Variants in SLC37A3 observed in about 807,000 individuals in gnomAD.
SLC37A3 encodes solute carrier family 37 member 3.
In SLC37A3, 51 loss-of-function variants were observed where a neutral mutation model predicts 67.1. That is an observed-to-expected ratio of 0.76 (90% CI 0.61 to 0.96). The LOEUF (loss-of-function observed/expected upper bound fraction) is 0.96. Ranked by LOEUF, SLC37A3 falls within the 40% of genes least tolerant of loss-of-function variation. SLC37A3 has a pLI of 0.00. For synonymous variants in SLC37A3, 214 were observed against 231.4 expected, an observed-to-expected ratio of 0.92 and a Z score of 0.68; for missense variants, 508 against 603.0, an observed-to-expected ratio of 0.84 and a Z score of 1.65.
At chr7:140,355,013 G>A (rs1051356167) in intron 7 of SLC37A3, among the ~76,000 whole-genome samples, 1 of 152,094 alleles carries the variant, frequency 6.6e-6, no homozygotes, top group Admixed American at 6.5e-5. Flanking sequence ...CCAAAGTGCT[G>A]GGATTACAGG....
chr7:140,380,518 C>A, intron 2 of SLC37A3, 128 bp from the exon 3 acceptor site: 1 of 601,374 alleles, frequency 1.7e-6, no homozygotes. Context: ...CCACCTGAAC[C>A]AAAATAGATT....
intron 1 of SLC37A3, among the ~76,000 whole-genome samples, chr7:140,384,047 G>A (rs955807084): frequency 3.3e-5 from 5 of 152,022 alleles, no homozygotes; most frequent in African/African-American, 9.7e-5. Flanking sequence ...GAACAATTAC[G>A]CATAAAGTAA....
At chr7:140,391,043 G>A (rs935782038) in intron 1 of SLC37A3, among the ~76,000 whole-genome samples, 1 of 152,038 alleles carries the variant, frequency 6.6e-6, no homozygotes, top group Non-Finnish European at 1.5e-5. Context: ...AACCTCAAAG[G>A]GCATGCAACA....
In SLC37A3 at chr7:140,361,504, C is replaced by CCTCTCCCTCTCCCTCTCCCTCTCCCTCT. The variant is rs1563027225; in HGVS notation, c.376-2720_376-2719insAGAGGGAGAGGGAGAGGGAGAGGGAGAG. On this transcript the variant is annotated intron_variant, in intron 5 of 14. Coordinates refer to ENST00000326232, the MANE Select transcript of SLC37A3 (RefSeq NM_207113.3). ...GACACACAGCCTCTCCCTCCCCCTCCCCCTCCCCCTCCCCCTCCCCCTCCC... is the reference window on the plus strand; with the variant it reads ...GACACACAGCCTCTCCCTCCCCCTCCCTCTCCCTCTCCCTCTCCCTCTCCCTCTCCCTCCCCCTCCCCCTCCCCCTCCC... 4.1e-5 allele frequency among the ~76,000 whole-genome samples: 3 copies of CCTCTCCCTCTCCCTCTCCCTCTCCCTCT among 73,116 alleles called. 1 individual carries two copies. Among genetic ancestry groups the CCTCTCCCTCTCCCTCTCCCTCTCCCTCT allele is most frequent in the African/African-American group, 6.2e-5 (1 of 16,164 alleles). The allele number at this position is 73,116 out of a possible 152,430, so 48.0% of individuals were successfully genotyped here.
chr7:140,363,176 AC>A (rs1162910336), intron 5 of SLC37A3, among the ~76,000 whole-genome samples: 55 of 81,982 alleles, frequency 6.7e-4, no homozygotes, highest in South Asian at 1.1e-3. Flanking sequence ...CCCGGCCACG[AC>A]CCCGTCTGGG....
At chr7:140,387,686 TTA>T (rs1377694237) in intron 1 of SLC37A3, among the ~76,000 whole-genome samples, 6 of 109,494 alleles carry the variant, frequency 5.5e-5, no homozygotes, top group South Asian at 2.4e-4. Context: ...TATAAATATA[TTA>T]TATATATTAT....
intron 4 of SLC37A3, among the ~76,000 whole-genome samples, chr7:140,367,643 C>A (rs1267005566): frequency 6.6e-6 from 1 of 151,982 alleles, no homozygotes; most frequent in East Asian, 1.9e-4. Context: ...AAGGAAGGCT[C>A]CTCTCACAGT....
chr7:140,358,084 A>G (rs866798538), intron 6 of SLC37A3, among the ~76,000 whole-genome samples: 3 of 152,032 alleles, frequency 2.0e-5, no homozygotes, highest in African/African-American at 7.2e-5. Context: ...CAAAAACAAA[A>G]AAGAAAAAAA....
chr7:140,391,520 C>T (rs561277562), intron 1 of SLC37A3, among the ~76,000 whole-genome samples: 4 of 152,218 alleles, frequency 2.6e-5, no homozygotes, highest in Non-Finnish European at 5.9e-5. Context: ...CAGGCCACTG[C>T]ACTCCGGTCT....
intron 1 of SLC37A3, among the ~76,000 whole-genome samples, chr7:140,397,790 AC>A (rs1480696759): frequency 6.6e-6 from 1 of 152,148 alleles, no homozygotes; most frequent in Non-Finnish European, 1.5e-5. Context: ...GAGATAGCCT[AC>A]CATCTTACAT....
intron 4 of SLC37A3, among the ~76,000 whole-genome samples, chr7:140,365,594 G>A (rs533612549): frequency 1.4e-4 from 22 of 152,102 alleles, no homozygotes; most frequent in Non-Finnish European, 2.6e-4. Flanking sequence ...GGTGGCTTGC[G>A]CCTGTAATCC....
chr7:140,389,412 A>G (rs1035984658), intron 1 of SLC37A3, among the ~76,000 whole-genome samples: 9 of 151,606 alleles, frequency 5.9e-5, no homozygotes, highest in Non-Finnish European at 1.0e-4. Flanking sequence ...AGAGAGAAAG[A>G]CTCACTTCAG....
chr7:140,351,906 G>A, intron 8 of SLC37A3, 156 bp downstream of exon 8: 3 of 775,662 alleles, frequency 3.9e-6, no homozygotes, highest in Middle Eastern at 2.3e-4. Flanking sequence ...TGGCTACAAT[G>A]TCGACAGGAC....
chr7:140,339,200 C>A (rs1796257843), intron 13 of SLC37A3, among the ~76,000 whole-genome samples: 1 of 151,536 alleles, frequency 6.6e-6, no homozygotes, highest in South Asian at 2.1e-4. Context: ...TTGTTTCCAC[C>A]TTTTGGCTAC....
intron 9 of SLC37A3, among the ~76,000 whole-genome samples, chr7:140,350,502 C>T (rs1489883942): frequency 1.3e-5 from 2 of 151,918 alleles, no homozygotes; most frequent in East Asian, 1.9e-4. Context: ...CGGTGGCTCA[C>T]GCCTGTAATC....
At chr7:140,374,242 T>A (rs1797934155) in intron 3 of SLC37A3, among the ~76,000 whole-genome samples, 1 of 152,122 alleles carries the variant, frequency 6.6e-6, no homozygotes, top group South Asian at 2.1e-4. Flanking sequence ...ACGCCTACAA[T>A]CCCAAGCACT....
intron 13 of SLC37A3, among the ~76,000 whole-genome samples, chr7:140,338,140 T>G (rs1796217036): frequency 6.6e-6 from 1 of 152,206 alleles, no homozygotes; most frequent in Non-Finnish European, 1.5e-5. Flanking sequence ...TCCGTCCACC[T>G]CGGCCTCCCA....
At chr7:140,393,447 C>T (rs1312569227) in intron 1 of SLC37A3, among the ~76,000 whole-genome samples, 2 of 152,294 alleles carry the variant, frequency 1.3e-5, no homozygotes, top group South Asian at 4.1e-4. Context: ...TCTAGCTTGT[C>T]TCCTTTCTAC....
intron 1 of SLC37A3, among the ~76,000 whole-genome samples, chr7:140,395,748 TA>T (rs1349792140): frequency 6.6e-6 from 1 of 151,968 alleles, no homozygotes; most frequent in Non-Finnish European, 1.5e-5. Context: ...CTAGCACACC[TA>T]AACTCAGAGG....
Sources: gnomAD v4.1 joint callset for allele counts (sites outside exome capture counted in the v4.1 genomes callset) on GRCh38, gnomAD v4.1.1 for gene constraint, MANE v1.5 for transcripts, NCBI Gene and HGNC (gene_info 2026-07-23, HGNC 2026-07-21) for gene names.